DNAH6: variants seen among roughly 807,000 people sequenced by gnomAD.
DNAH6 encodes dynein axonemal heavy chain 6, also known as axonemal beta dynein heavy chain 6.
A neutral mutation model predicts 491.4 loss-of-function variants in DNAH6; 340 were observed. That is an observed-to-expected ratio of 0.69 (90% CI 0.63 to 0.76). DNAH6 has a LOEUF of 0.76. Ranked by LOEUF, DNAH6 falls within the 30% of genes least tolerant of loss-of-function variation. The probability of loss-of-function intolerance (pLI) is 0.00; values close to 1 mark genes in which losing one functional copy is unlikely to be tolerated. For missense variants in DNAH6, 4,443 were observed against 4,972.2 expected (o/e 0.89, Z 3.20); for synonymous variants, 1,603 against 1,686.1 (o/e 0.95, Z 1.21).
At chr2:84,477,640 A>C in the DNAH6 span, among the ~76,000 whole-genome samples, 1 of 152,142 alleles carries the variant, frequency 6.6e-6, no homozygotes, top group African/African-American at 2.4e-5. Flanking sequence ...TTTGTCCTAA[A>C]TCTAAGTTAT....
intron 3 of DNAH6, among the ~76,000 whole-genome samples, chr2:84,528,119 A>G (rs571301551): frequency 1.3e-5 from 2 of 152,234 alleles, no homozygotes; most frequent in South Asian, 4.1e-4. Context: ...GAGAGCACAG[A>G]CAGTGAAGCC....
chr2:84,689,252 A>T (rs1304494887), intron 45 of DNAH6, among the ~76,000 whole-genome samples: 1 of 152,184 alleles, frequency 6.6e-6, no homozygotes, highest in Non-Finnish European at 1.5e-5. Context: ...GGAGCATCTC[A>T]TTTACCTGGT....
intron 50 of DNAH6, 50 bp from the exon 51 acceptor site, chr2:84,704,017 T>C (rs772017168): frequency 2.1e-5 from 30 of 1,407,652 alleles, no homozygotes; most frequent in Non-Finnish European, 2.3e-5. Flanking sequence ...GTTTTGAATA[T>C]TAAAATTCAA....
At chr2:84,468,718 G>A in the DNAH6 span, among the ~76,000 whole-genome samples, 1 of 152,156 alleles carries the variant, frequency 6.6e-6, no homozygotes, top group South Asian at 2.1e-4. Context: ...GCTACAGCAT[G>A]GGGCAGTCTC....
intron 2 of DNAH6, among the ~76,000 whole-genome samples, chr2:84,518,293 T>G (rs1288550805): frequency 6.6e-6 from 1 of 152,230 alleles, no homozygotes; most frequent in Non-Finnish European, 1.5e-5. Flanking sequence ...ATAAGTCCTC[T>G]CTAGGATTAT....
intron 11 of DNAH6, among the ~76,000 whole-genome samples, chr2:84,572,500 G>GT (rs1480072079): frequency 1.3e-5 from 2 of 151,942 alleles, no homozygotes; most frequent in East Asian, 1.9e-4. Flanking sequence ...GTTTGATAAA[G>GT]TTTTTTTTCA....
chr2:84,758,832 A>G lies in DNAH6; in HGVS notation c.10513-3923A>G, dbSNP rs570368044. ...CATGTAAGATAACCTCACAGCCAAC[A>G]TTACATTGAATGAGGAAAAGTTGAA... On this transcript the variant is annotated intron_variant, in intron 63 of 76. Transcript: ENST00000389394. Among the ~76,000 whole-genome samples the G allele has an allele frequency of 7.9e-5, 12 of 152,326 alleles. No individual in the cohort carries two copies. In the South Asian group the frequency reaches 2.3e-3, roughly 29 times the overall value.
the DNAH6 span, among the ~76,000 whole-genome samples, chr2:84,481,956 C>G: frequency 6.6e-6 from 1 of 152,304 alleles, no homozygotes. Flanking sequence ...ACAATTGTGG[C>G]TCTGCCCCTA....
intron 63 of DNAH6, among the ~76,000 whole-genome samples, chr2:84,754,236 A>G (rs1326062918): frequency 6.9e-6 from 1 of 145,060 alleles, no homozygotes; most frequent in South Asian, 2.2e-4. Context: ...CTGGAGTGCA[A>G]TGGCACGATC....
At chr2:84,725,390 T>A (rs1397186971) in intron 60 of DNAH6, among the ~76,000 whole-genome samples, 1 of 152,192 alleles carries the variant, frequency 6.6e-6, no homozygotes. Context: ...ATGTTCATTT[T>A]AGCAGCCTTT....
chr2:84,689,686 G>A (rs1573494402), intron 45 of DNAH6, among the ~76,000 whole-genome samples: 1 of 152,198 alleles, frequency 6.6e-6, no homozygotes, highest in East Asian at 1.9e-4. Context: ...CAAAAGAAGA[G>A]GACGGAGACC....
At chr2:84,762,628 A>G in intron 63 of DNAH6, 127 bp from the exon 64 acceptor site, 2 of 637,498 alleles carry the variant, frequency 3.1e-6, no homozygotes, top group Non-Finnish European at 5.4e-6. Flanking sequence ...AAAGATGTAT[A>G]CCCAATCAAG....
intron 5 of DNAH6, among the ~76,000 whole-genome samples, chr2:84,546,025 C>T (rs553576485): frequency 1.3e-5 from 2 of 152,238 alleles, no homozygotes; most frequent in East Asian, 1.9e-4. Context: ...ATATATGCAT[C>T]GCTCCAAAGA....
rs183315670 is a variant in DNAH6, at chr2:84,697,672, C to T, written c.7622C>T (p.Ala2541Val). The part of the protein sequence containing the change: ...FEKDELEQVL[A>V]ATRPRAKEVG... ...AAGGATGAACTGGAGCAGGTTTTAG[C>T]GGCCACCAGACCAAGAGCAAAAGAA... Residue 2541 changes from alanine (A) to valine (V), a missense_variant, in exon 47 of 77, where the codon GCG becomes GTG. Physicochemically the swap from Ala to Val is moderately conservative, Grantham distance 64. Coordinates refer to ENST00000389394, the MANE Select transcript of DNAH6 (RefSeq NM_001370.2). 270 of 1,551,820 alleles carry T rather than the reference C, an allele frequency of 1.7e-4. 1 individual carries two copies. Among genetic ancestry groups the T allele is most frequent in the Middle Eastern group, 1.3e-3 (8 of 5,996 alleles).
the DNAH6 span, among the ~76,000 whole-genome samples, chr2:84,469,003 G>A: frequency 6.6e-6 from 1 of 152,140 alleles, no homozygotes; most frequent in Non-Finnish European, 1.5e-5. The surrounding 1 kb of genome is among the most constrained non-coding windows in gnomAD (Gnocchi z 4.0). Flanking sequence ...GTCTTGAAAA[G>A]TGGGCTTACA....
At chr2:84,739,737 A>C (rs1307569269) in intron 62 of DNAH6, among the ~76,000 whole-genome samples, 1 of 152,056 alleles carries the variant, frequency 6.6e-6, no homozygotes, top group Admixed American at 6.6e-5. Flanking sequence ...TGTCTTTCAT[A>C]TCTTCTGTTC....
Position 84,694,390 on chromosome 2 carries a change from T to C in DNAH6, c.7434T>C (p.Asn2478=). Residue 2478 remains asparagine (N), a synonymous_variant, in exon 46 of 77, where the codon AAT becomes AAC. Coordinates refer to ENST00000389394, the MANE Select transcript of DNAH6 (RefSeq NM_001370.2). ...AGATTGAACTCAGCCGGGGATATAA[T>C]TATGATAGTTTTCATGAAGACCTGA... ...CLQIELSRGY[N]YDSFHEDLRK... is the part of the protein sequence containing the mutation. 6.4e-7 allele frequency: 1 copy of C among 1,552,350 alleles called. No individual in the cohort carries two copies. Among genetic ancestry groups the C allele is most frequent in the Non-Finnish European group, 8.7e-7 (1 of 1,147,126 alleles).
In DNAH6 at chr2:84,517,733, A is replaced by G. The variant is rs185885752; in HGVS notation, c.-8-86A>G. 40 of 987,400 alleles carry G rather than the reference A, an allele frequency of 4.1e-5. No individual in the cohort carries two copies. The East Asian group carries it at 9.4e-4, about 23-fold the overall frequency. The allele number at this position is 987,400 out of a possible 1,614,324, so 61.2% of individuals were successfully genotyped here. A position where few individuals can be genotyped will look rare whatever the true frequency, so the allele number is the denominator to read the frequency against. ...GAAGTGAGCGAATTCAACTCTTCCT[A>G]GTCCTTAAGTCCCTCTCCAGTAGCC... On this transcript the variant is annotated intron_variant, in intron 1 of 76. Transcript: ENST00000389394.
At chr2:84,515,685 A>C (rs1003314305), upstream of DNAH6, among the ~76,000 whole-genome samples, 5 of 152,332 alleles carry the variant, frequency 3.3e-5, no homozygotes, top group East Asian at 9.6e-4. Flanking sequence ...TGGTGTAAGG[A>C]TTCATCAAGA....
Sources: allele counts gnomAD v4.1 joint callset (sites outside exome capture counted in the v4.1 genomes callset), GRCh38; gene constraint gnomAD v4.1.1; non-coding constraint Gnocchi (gnomAD v3.1); transcripts MANE v1.5; gene names NCBI Gene and HGNC (gene_info 2026-07-23, HGNC 2026-07-21).